RASAL2: variants seen among roughly 807,000 people sequenced by gnomAD.
The protein encoded by RASAL2 is RAS protein activator like 2, also known as ras GTPase-activating protein nGAP.
In RASAL2, 58 loss-of-function variants were observed where a neutral mutation model predicts 128.9. The ratio of observed to expected loss-of-function variants is 0.45; its 90% CI spans 0.36 to 0.56. The LOEUF is 0.56. Ranked by LOEUF, RASAL2 falls within the 20% of genes least tolerant of loss-of-function variation. The pLI is 0.00. For missense variants in RASAL2, 1,360 were observed against 1,601.6 expected, an observed-to-expected ratio of 0.85 and a Z score of 2.57; for synonymous variants, 561 against 580.8, an observed-to-expected ratio of 0.97 and a Z score of 0.49.
intron 3 of RASAL2, among the ~76,000 whole-genome samples, chr1:178,325,834 CT>C (rs1329131395): frequency 1.3e-5 from 2 of 152,150 alleles, no homozygotes; most frequent in African/African-American, 4.8e-5. Flanking sequence ...GGTACCATGG[CT>C]CATGACTGTA....
intron 3 of RASAL2, among the ~76,000 whole-genome samples, chr1:178,320,396 C>T (rs1015147511): frequency 5.3e-5 from 8 of 152,244 alleles, no homozygotes; most frequent in African/African-American, 1.2e-4. Context: ...CCCAGCCTCG[C>T]TGCCGCCTTG....
At chr1:178,341,596 A>C in intron 3 of RASAL2, 1 of 1,614,050 alleles carries the variant, frequency 6.2e-7, no homozygotes, top group Non-Finnish European at 8.5e-7. Context: ...ACTTCACACG[A>C]TGCAGACCCC....
At chr1:178,151,128 A>G (rs775088521) in intron 1 of RASAL2, among the ~76,000 whole-genome samples, 2 of 152,298 alleles carry the variant, frequency 1.3e-5, no homozygotes, top group Middle Eastern at 3.4e-3. Flanking sequence ...GCAGCCAGGC[A>G]TGGTGGCTCA....
chr1:178,158,856 A>G (rs1023080520), intron 1 of RASAL2, among the ~76,000 whole-genome samples: 4 of 152,222 alleles, frequency 2.6e-5, no homozygotes, highest in Non-Finnish European at 4.4e-5. Context: ...TTCTTTTAAT[A>G]GGTATCAATC....
chr1:178,363,821 G>A (rs1035173904), intron 3 of RASAL2, among the ~76,000 whole-genome samples: 2 of 152,182 alleles, frequency 1.3e-5, no homozygotes, highest in Non-Finnish European at 2.9e-5. Context: ...AAAAGGCCGG[G>A]TGCGGTGGCT....
intron 1 of RASAL2, among the ~76,000 whole-genome samples, chr1:178,224,240 T>TA (rs397982075): frequency 1.3e-5 from 2 of 151,428 alleles, no homozygotes; most frequent in African/African-American, 4.9e-5. Context: ...TTTTTTTTTT[T>TA]AATATTTAAA....
chr1:178,197,536 G>T (rs1472487124), intron 1 of RASAL2, among the ~76,000 whole-genome samples: 2 of 151,102 alleles, frequency 1.3e-5, no homozygotes, highest in Admixed American at 1.3e-4. Context: ...TTGAACCCAG[G>T]AAAGGGAGGC....
intron 2 of RASAL2, among the ~76,000 whole-genome samples, chr1:178,283,905 C>A (rs753149594): frequency 1.2e-4 from 18 of 152,018 alleles, no homozygotes; most frequent in Non-Finnish European, 2.2e-4. Context: ...CACTAAGAAA[C>A]AATGGAAGAG....
intron 2 of RASAL2, among the ~76,000 whole-genome samples, chr1:178,297,738 A>G (rs1436654507): frequency 1.3e-5 from 2 of 152,096 alleles, no homozygotes; most frequent in East Asian, 1.9e-4. Flanking sequence ...ACCTTTTATC[A>G]TATTTTAAGT....
chr1:178,364,106 A>AG (rs1671271425), intron 3 of RASAL2, among the ~76,000 whole-genome samples: 1 of 151,906 alleles, frequency 6.6e-6, no homozygotes, highest in African/African-American at 2.4e-5. Context: ...AAAAAAAAAA[A>AG]AAAAGAAGAA....
intron 3 of RASAL2, among the ~76,000 whole-genome samples, chr1:178,359,014 T>C (rs991573847): frequency 6.6e-6 from 1 of 152,170 alleles, no homozygotes; most frequent in African/African-American, 2.4e-5. Context: ...TGGAGAGATA[T>C]GAGTAATATA....
At chr1:178,137,306 G>C (rs1660359874) in intron 1 of RASAL2, among the ~76,000 whole-genome samples, 1 of 152,162 alleles carries the variant, frequency 6.6e-6, no homozygotes. Flanking sequence ...TGCAGGGTCT[G>C]AGACAGAACT....
intron 3 of RASAL2, among the ~76,000 whole-genome samples, chr1:178,324,916 C>T (rs1310122509): frequency 1.3e-5 from 2 of 152,192 alleles, no homozygotes; most frequent in African/African-American, 4.8e-5. Flanking sequence ...CCTTGGCACC[C>T]ACCTGCCAAC....
intron 16 of RASAL2, 148 bp downstream of exon 16, chr1:178,466,270 A>G (rs553115882): frequency 2.6e-5 from 18 of 679,990 alleles, no homozygotes; most frequent in Non-Finnish European, 3.9e-5. Context: ...ATCTCTTAAA[A>G]TATCCTAAAT....
At chr1:178,308,503 A>G (rs189365034) in intron 3 of RASAL2, among the ~76,000 whole-genome samples, 3 of 152,040 alleles carry the variant, frequency 2.0e-5, no homozygotes, top group Admixed American at 2.0e-4. Flanking sequence ...GCTTTTGATC[A>G]GAATTAATAA....
chr1:178,376,147 A>G (rs1671978885), intron 3 of RASAL2, among the ~76,000 whole-genome samples: 1 of 152,154 alleles, frequency 6.6e-6, no homozygotes, highest in South Asian at 2.1e-4. Context: ...AAAGGTTAAC[A>G]ATGTGGTCAG....
At position 178,194,293 on chromosome 1, in the gene RASAL2, A is replaced by T. The variant is rs559374855; in HGVS notation, c.203-89271A>T. The T allele has an allele frequency of 5.9e-5, 13 of 220,320 alleles. No individual in the cohort carries two copies. The South Asian group carries it at 1.1e-3, about 19-fold the overall frequency. The allele number at this position is 220,320 out of a possible 1,614,324, so 13.6% of individuals were successfully genotyped here. On this transcript the variant is annotated intron_variant, in intron 1 of 17. Coordinates refer to ENST00000367649, the MANE Select transcript of RASAL2 (RefSeq NM_170692.4). The stretch of plus-strand genomic sequence containing the variant: ...ATTTCTTACAAAAATGTCATGAATT[A>T]AAGTATTTTACAGCATTTACTACAA...
At chr1:178,224,065 G>T (rs1452127694) in intron 1 of RASAL2, among the ~76,000 whole-genome samples, 1 of 152,076 alleles carries the variant, frequency 6.6e-6, no homozygotes, top group Non-Finnish European at 1.5e-5. Context: ...ATAAGTAGAT[G>T]TGTTAATTGT....
chr1:178,255,409 TATATC>T (rs1277497857), intron 1 of RASAL2, among the ~76,000 whole-genome samples: 2 of 152,158 alleles, frequency 1.3e-5, no homozygotes, highest in African/African-American at 2.4e-5. Flanking sequence ...AGAAACGTAA[TATATC>T]ATAGTATATT....
Sources: allele counts gnomAD v4.1 joint callset (sites outside exome capture counted in the v4.1 genomes callset), GRCh38; gene constraint gnomAD v4.1.1; transcripts MANE v1.5; gene names NCBI Gene and HGNC (gene_info 2026-07-23, HGNC 2026-07-21).